SPAG16: variants seen among roughly 807,000 people sequenced by gnomAD.
SPAG16 encodes the protein sperm associated antigen 16, also known as sperm-associated antigen 16 protein.
Under a neutral mutation model 80.4 loss-of-function variants are expected in SPAG16, and 86 were observed. The observed-to-expected ratio is 1.07, with a 90% CI of 0.90 to 1.28. The LOEUF is 1.28. SPAG16 is among the 50% of genes most tolerant of loss of function. The pLI is 0.00. For synonymous variants in SPAG16, 294 were observed against 265.9 expected (o/e 1.11, Z -1.03); for missense variants, 870 against 765.3 (o/e 1.14, Z -1.61).
chr2:213,671,511 C>T (rs1276530850), intron 10 of SPAG16, among the ~76,000 whole-genome samples: 1 of 152,162 alleles, frequency 6.6e-6, no homozygotes, highest in African/African-American at 2.4e-5. Context: ...CCATCTCTCT[C>T]CTTGAATCTT....
At chr2:214,023,144 G>C (rs781556044) in intron 13 of SPAG16, among the ~76,000 whole-genome samples, 1 of 151,788 alleles carries the variant, frequency 6.6e-6, no homozygotes, top group Non-Finnish European at 1.5e-5. Context: ...TATCTCTGTA[G>C]CTTGCAGTAG....
At chr2:214,087,795 CA>C (rs537887472) in intron 13 of SPAG16, among the ~76,000 whole-genome samples, 3 of 151,594 alleles carry the variant, frequency 2.0e-5, no homozygotes, top group African/African-American at 7.3e-5. Flanking sequence ...GTGCTATAGA[CA>C]AAAAAATATC....
intron 15 of SPAG16, among the ~76,000 whole-genome samples, chr2:214,385,631 G>A (rs1039124727): frequency 5.9e-5 from 9 of 152,206 alleles, no homozygotes; most frequent in South Asian, 2.1e-4. Flanking sequence ...ATCACATGAC[G>A]TCAGGAGTTC....
intron 10 of SPAG16, among the ~76,000 whole-genome samples, chr2:213,690,090 G>A (rs779889886): frequency 5.3e-5 from 8 of 151,746 alleles, no homozygotes; most frequent in South Asian, 2.1e-4. Flanking sequence ...AAAATTCTTC[G>A]ATCACAGTAG....
At chr2:213,333,253 T>G (rs976507301) in intron 5 of SPAG16, among the ~76,000 whole-genome samples, 2 of 151,956 alleles carry the variant, frequency 1.3e-5, no homozygotes, top group African/African-American at 4.8e-5. Context: ...GTAATCCAAC[T>G]TACAATAGCC....
At chr2:213,780,571 CTTT>C (rs367744311) in intron 10 of SPAG16, among the ~76,000 whole-genome samples, 4 of 124,598 alleles carry the variant, frequency 3.2e-5, no homozygotes, top group Middle Eastern at 4.7e-3. Flanking sequence ...TCTTTTCTTT[CTTT>C]TTTTTTTTTT....
chr2:214,387,790 G>A (rs903444989), intron 15 of SPAG16, among the ~76,000 whole-genome samples: 5 of 152,086 alleles, frequency 3.3e-5, no homozygotes, highest in Non-Finnish European at 5.9e-5. Context: ...ATAAAACATC[G>A]GCTCTCATGA....
At chr2:214,240,163 G>C (rs1689366168) in intron 15 of SPAG16, 1 of 152,038 alleles carries the variant, frequency 6.6e-6, no homozygotes. Flanking sequence ...ATACCTCAAT[G>C]CTCTTTCCAC....
intron 9 of SPAG16, among the ~76,000 whole-genome samples, chr2:213,430,286 T>G (rs1287452126): frequency 3.9e-5 from 6 of 151,942 alleles, no homozygotes; most frequent in African/African-American, 1.2e-4. Flanking sequence ...ATTAATCGAG[T>G]CAGACAAAAG....
rs115014833 is a variant in SPAG16, at chr2:214,269,845, T to G, written c.1720+120579T>G. 5.0e-3 allele frequency among the ~76,000 whole-genome samples: 766 copies of G among 152,244 alleles called. 5 individuals carry two copies. The highest frequency in any genetic ancestry group is 0.017 in the African/African-American group (725 of 41,586). ...AACCAGAAGTCCAAACAATGACCTC[T>G]GAATCATGGGGGTCACCTTGTATCC... On this transcript the variant is annotated intron_variant, in intron 15 of 15. Transcript: ENST00000331683.
At chr2:213,830,760 T>A (rs895698121) in intron 10 of SPAG16, among the ~76,000 whole-genome samples, 4 of 152,176 alleles carry the variant, frequency 2.6e-5, no homozygotes, top group Non-Finnish European at 5.9e-5. Context: ...TTTACTTCTT[T>A]CGAAGGCCCA....
At position 214,303,789 on chromosome 2, in the gene SPAG16, T is replaced by G. The variant is rs534691465; in HGVS notation, c.1721-106351T>G. ...CACTTTACATAATCCAGTATTTAGGTTTTTTTTCCTTTTTAAATTTTGGTT... is the reference window on the plus strand; with the variant it reads ...CACTTTACATAATCCAGTATTTAGGGTTTTTTTCCTTTTTAAATTTTGGTT... On this transcript the variant is annotated intron_variant, in intron 15 of 15. Transcript: ENST00000331683. Among the ~76,000 whole-genome samples the G allele has an allele frequency of 2.5e-4, 38 of 151,696 alleles. 1 individual carries two copies. Among genetic ancestry groups the G allele is most frequent in the African/African-American group, 7.0e-4 (29 of 41,462 alleles).
intron 9 of SPAG16, among the ~76,000 whole-genome samples, chr2:213,385,728 A>C (rs1575445746): frequency 6.6e-6 from 1 of 151,928 alleles, no homozygotes; most frequent in African/African-American, 2.4e-5. Context: ...AGGGCCAGAG[A>C]GTTCAGGGAA....
intron 10 of SPAG16, among the ~76,000 whole-genome samples, chr2:213,659,874 G>C (rs1038366970): frequency 7.9e-5 from 12 of 151,932 alleles, no homozygotes; most frequent in Admixed American, 7.2e-4. Context: ...ATATACATCT[G>C]TATATATGTT....
At chr2:213,681,188 G>T (rs961732267) in intron 10 of SPAG16, among the ~76,000 whole-genome samples, 1 of 152,190 alleles carries the variant, frequency 6.6e-6, no homozygotes, top group Non-Finnish European at 1.5e-5. Flanking sequence ...TTTCCCACAG[G>T]ATACTTTGCA....
chr2:213,702,267 G>A (rs1427960280), intron 10 of SPAG16, among the ~76,000 whole-genome samples: 2 of 152,186 alleles, frequency 1.3e-5, no homozygotes, highest in Non-Finnish European at 2.9e-5. Flanking sequence ...TGTGGGTGGG[G>A]CCAGATAAGG....
intron 12 of SPAG16, among the ~76,000 whole-genome samples, chr2:213,946,898 G>T (rs576775141): frequency 1.3e-5 from 2 of 152,216 alleles, no homozygotes; most frequent in East Asian, 3.9e-4. Context: ...ATCTGTTCTA[G>T]ATCACTGTCA....
intron 15 of SPAG16, among the ~76,000 whole-genome samples, chr2:214,209,310 T>C (rs79010581): frequency 0.017 from 2,638 of 152,228 alleles, 41 homozygotes; most frequent in Non-Finnish European, 0.026. Context: ...GAGAAACCCA[T>C]TGCAGCCTAT....
chr2:213,892,802 T>C (rs942468827), intron 11 of SPAG16, among the ~76,000 whole-genome samples: 3 of 151,908 alleles, frequency 2.0e-5, no homozygotes, highest in African/African-American at 4.8e-5. Flanking sequence ...CTAAAAGATA[T>C]AGAAGAGTAC....
Sources: gnomAD v4.1 joint callset for allele counts (sites outside exome capture counted in the v4.1 genomes callset) on GRCh38, gnomAD v4.1.1 for gene constraint, MANE v1.5 for transcripts, NCBI Gene and HGNC (gene_info 2026-07-23, HGNC 2026-07-21) for gene names.